ITGB8: variants seen among roughly 807,000 people sequenced by gnomAD.
ITGB8 encodes the protein integrin subunit beta 8.
In ITGB8, 30 loss-of-function variants were observed where a neutral mutation model predicts 89.5. The observed-to-expected ratio is 0.34, with a 90% CI of 0.25 to 0.45. ITGB8 has a LOEUF of 0.45. Among genes scored for constraint, ITGB8 ranks in the 20% least tolerant of loss-of-function variants. The pLI is 1.00. For synonymous variants in ITGB8, 335 were observed against 320.4 expected, an observed-to-expected ratio of 1.05 and a Z score of -0.49; for missense variants, 836 against 933.3, an observed-to-expected ratio of 0.90 and a Z score of 1.36.
At chr7:20,369,637 G>A (rs1290862954) in intron 3 of ITGB8, among the ~76,000 whole-genome samples, 1 of 152,150 alleles carries the variant, frequency 6.6e-6, no homozygotes, top group African/African-American at 2.4e-5. Context: ...ACACAATTCA[G>A]TCGATAGCAT....
intron 1 of ITGB8, among the ~76,000 whole-genome samples, chr7:20,344,669 G>T (rs1324773349): frequency 6.6e-6 from 1 of 152,230 alleles, no homozygotes; most frequent in African/African-American, 2.4e-5. Flanking sequence ...AGCAAGTGCA[G>T]TAGCAGGACA....
At chr7:20,405,477 A>ATTTT (rs35951169) in intron 11 of ITGB8, among the ~76,000 whole-genome samples, 2 of 142,044 alleles carry the variant, frequency 1.4e-5, no homozygotes, top group African/African-American at 2.6e-5. Context: ...CGCCGGGCTA[A>ATTTT]TTTTTTTTTT....
At chr7:20,353,041 C>T (rs1242904450) in intron 1 of ITGB8, 1 of 152,172 alleles carries the variant, frequency 6.6e-6, no homozygotes, top group Non-Finnish European at 1.5e-5. Flanking sequence ...AGTGGCTTCA[C>T]AATGGTTCTT....
Position 20,406,057 on chromosome 7 carries a change from T to TGC in ITGB8, c.1914-4_1914-3dup, listed in dbSNP as rs758414872. 1.3e-6 allele frequency: 2 copies of TGC among 1,545,010 alleles called. No homozygotes were observed. The highest frequency in any genetic ancestry group is 1.8e-6 in the Non-Finnish European group (2 of 1,117,006). Reference sequence around the variant, plus strand: ...AAATATTTTCACTTCTGTTTCCCCTTGCAGGAATTGTATGCAATGCCTTCA... The same window carrying TGC: ...AAATATTTTCACTTCTGTTTCCCCTTGCGCAGGAATTGTATGCAATGCCTTCA... On this transcript the variant is annotated splice_region_variant and splice_polypyrimidine_tract_variant and intron_variant, in intron 11 of 13. Transcript: ENST00000222573.
intron 1 of ITGB8, among the ~76,000 whole-genome samples, chr7:20,355,256 G>A (rs374392993): frequency 6.6e-6 from 1 of 152,144 alleles, no homozygotes; most frequent in Non-Finnish European, 1.5e-5. Context: ...TTGTGTTGTC[G>A]TTTGGGCTCA....
In ITGB8 at chr7:20,343,420, C is replaced by T. The variant is rs377719484; in HGVS notation, c.127+11487C>T. Among the ~76,000 whole-genome samples, 141 of 152,302 alleles carry T rather than the reference C, an allele frequency of 9.3e-4. 3 individuals carry two copies. In the South Asian group the frequency reaches 0.028, roughly 30 times the overall value. On this transcript the variant is annotated intron_variant, in intron 1 of 13. Transcript: ENST00000222573. ...TGAGGTGACATCGTCCTGTTATCTG[C>T]TGCCTGCTGTACCCTGCCTGTTCCA...
intron 1 of ITGB8, among the ~76,000 whole-genome samples, chr7:20,361,319 A>G (rs1490954572): frequency 5.3e-5 from 8 of 152,204 alleles, no homozygotes; most frequent in Non-Finnish European, 1.5e-5. Context: ...GCGAAAGTCA[A>G]ATTAGGTCTG....
chr7:20,399,858 G>A (rs375930987), intron 9 of ITGB8, among the ~76,000 whole-genome samples: 1 of 152,182 alleles, frequency 6.6e-6, no homozygotes. Context: ...TAGAAAAAAA[G>A]AAAAAGTTAT....
chr7:20,392,017 A>T (rs143715942), intron 7 of ITGB8, among the ~76,000 whole-genome samples: 1 of 152,132 alleles, frequency 6.6e-6, no homozygotes, highest in African/African-American at 2.4e-5. Context: ...CACACATAAG[A>T]ATAATCTTGG....
At chr7:20,393,742 C>A (rs1786958110) in intron 7 of ITGB8, among the ~76,000 whole-genome samples, 1 of 152,136 alleles carries the variant, frequency 6.6e-6, no homozygotes, top group Admixed American at 6.5e-5. Context: ...TGCTGCCCAC[C>A]CTCGCTTCTC....
At chr7:20,349,061 T>C (rs893359703) in intron 1 of ITGB8, among the ~76,000 whole-genome samples, 2 of 152,308 alleles carry the variant, frequency 1.3e-5, no homozygotes, top group African/African-American at 4.8e-5. Context: ...ACCGATGATA[T>C]TAAACTGAAC....
In ITGB8 at chr7:20,400,006, A is replaced by G. The variant is rs140967912; in HGVS notation, c.1281+1012A>G. On this transcript the variant is annotated intron_variant, in intron 9 of 13. Coordinates refer to ENST00000222573, the MANE Select transcript of ITGB8 (RefSeq NM_002214.3). The stretch of plus-strand genomic sequence containing the variant: ...AGTTTCTAATTCTGTGGTTTCTTCT[A>G]TGATCACTCCGTGGATTTTGTTCAA... Among the ~76,000 whole-genome samples the G allele has an allele frequency of 2.1e-3, 325 of 152,302 alleles. 1 individual carries two copies. The highest frequency in any genetic ancestry group is 3.7e-3 in the Admixed American group (56 of 15,288).
chr7:20,369,285 C>T (rs765172316), intron 3 of ITGB8, among the ~76,000 whole-genome samples: 7 of 152,072 alleles, frequency 4.6e-5, no homozygotes, highest in Admixed American at 2.0e-4. Context: ...TAACAAAGTA[C>T]GTTGATTGGG....
rs111759112 is a variant in ITGB8 at position 20,396,205 on chromosome 7, G to A, written c.1146+1220G>A. Among the ~76,000 whole-genome samples, 6 of 152,154 alleles carry A rather than the reference G, an allele frequency of 3.9e-5. No homozygotes were observed. The East Asian group carries it at 9.7e-4, about 25-fold the overall frequency. On this transcript the variant is annotated intron_variant, in intron 8 of 13. Coordinates refer to ENST00000222573, the MANE Select transcript of ITGB8 (RefSeq NM_002214.3). ...TGTAATCCCAGCACTTTGGGAGGCC[G>A]AGGCAGGTGGATCACGAGGTCAGGA...
chr7:20,389,130 G>C (rs890311819), intron 6 of ITGB8, among the ~76,000 whole-genome samples: 22 of 152,116 alleles, frequency 1.4e-4, no homozygotes, highest in African/African-American at 5.3e-4. Context: ...ATAATCCTTT[G>C]GGTATATACC....
upstream of ITGB8, among the ~76,000 whole-genome samples, chr7:20,330,077 G>C (rs1027419589): frequency 6.6e-6 from 1 of 152,204 alleles, no homozygotes; most frequent in Non-Finnish European, 1.5e-5. Context: ...AAGATCAAAA[G>C]ACCCACTGTA....
chr7:20,412,149 A>G lies in ITGB8; in HGVS notation c.*2152A>G, dbSNP rs1461129045. On this transcript the variant is annotated 3_prime_UTR_variant, in exon 14 of 14. Coordinates refer to ENST00000222573, the MANE Select transcript of ITGB8 (RefSeq NM_002214.3). ...CCTAAAGAGAACTGAAAAACCTATA[A>G]TAAGTTGTTCTGGAGCCAATAAACA... 1 of 152,590 alleles carries G rather than the reference A, an allele frequency of 6.6e-6. No individual in the cohort carries two copies. The highest frequency in any genetic ancestry group is 1.5e-5 in the Non-Finnish European group (1 of 68,030). 9.5% of individuals were successfully genotyped at this position (152,590 alleles called of 1,614,324 possible).
rs367941451 is a variant in ITGB8 at position 20,367,012 on chromosome 7, G to C, written c.214G>C (p.Asp72His). 6.2e-7 allele frequency: 1 copy of C among 1,602,102 alleles called. No individual in the cohort carries two copies. The highest frequency in any genetic ancestry group is 8.5e-7 in the Non-Finnish European group (1 of 1,175,150). ...CAGTGATTTTCTTTCTTTTAAACAG[G>C]ATTTCATTTCAGGTGGATCAAGAAG... ...GPECGWCVQE[D>H]FISGGSRSER... Residue 72 changes from aspartate (D) to histidine (H), a missense_variant and splice_region_variant, in exon 3 of 14, where the codon GAT becomes CAT. Transcript: ENST00000222573.
intron 1 of ITGB8, among the ~76,000 whole-genome samples, chr7:20,362,362 G>A (rs1406057730): frequency 2.0e-5 from 3 of 152,168 alleles, no homozygotes; most frequent in Non-Finnish European, 2.9e-5. Context: ...GCATGAGTGT[G>A]CACATGCACA....
Sources: allele counts gnomAD v4.1 joint callset (sites outside exome capture counted in the v4.1 genomes callset), GRCh38; gene constraint gnomAD v4.1.1; transcripts MANE v1.5; gene names NCBI Gene and HGNC (gene_info 2026-07-23, HGNC 2026-07-21).